Variants in SERINC2 observed in about 807,000 individuals in gnomAD.
SERINC2 encodes the protein tumor differentially expressed protein 2.
SERINC2 carries 56 observed loss-of-function variants against 54.2 expected under a neutral mutation model. The observed-to-expected ratio is 1.03, with a 90% CI of 0.83 to 1.29. The LOEUF (loss-of-function observed/expected upper bound fraction) is 1.29. SERINC2 is among the 50% of genes most tolerant of loss of function. The pLI, the probability that SERINC2 is intolerant of heterozygous loss-of-function variation, is 0.00. For synonymous variants in SERINC2, 272 were observed against 253.1 expected (o/e 1.07, Z -0.71); for missense variants, 614 against 607.4 (o/e 1.01, Z -0.12).
At chr1:31,412,000 CAAAAAAAAA>C (rs11368197), upstream of SERINC2, among the ~76,000 whole-genome samples, 6 of 44,506 alleles carry the variant, frequency 1.3e-4, no homozygotes, top group East Asian at 6.9e-4. Flanking sequence ...GACCCTGTCT[CAAAAAAAAA>C]AAAAAAAAAA....
At chr1:31,420,950 T>A (rs2148515268) in intron 1 of SERINC2, among the ~76,000 whole-genome samples, 1 of 152,282 alleles carries the variant, frequency 6.6e-6, no homozygotes, top group East Asian at 1.9e-4. Context: ...AAAATGGGAC[T>A]AATAAGCTGC....
intron 3 of SERINC2, 75 bp from the exon 4 acceptor site, chr1:31,425,255 G>A: frequency 1.8e-6 from 2 of 1,123,712 alleles, no homozygotes; most frequent in South Asian, 2.5e-5. Context: ...GGGGCTCTGG[G>A]GCCAGGCCCA....
At chr1:31,423,427 AG>A (rs367909677) in intron 1 of SERINC2, among the ~76,000 whole-genome samples, 108 of 152,280 alleles carry the variant, frequency 7.1e-4, no homozygotes, top group Middle Eastern at 3.4e-3. Flanking sequence ...AGAAAGAAAC[AG>A]CGTGACCTCG....
intron 1 of SERINC2, among the ~76,000 whole-genome samples, chr1:31,420,860 G>T (rs1640886892): frequency 6.6e-6 from 1 of 152,152 alleles, no homozygotes; most frequent in Non-Finnish European, 1.5e-5. Flanking sequence ...AATACTACTT[G>T]AATCTCAGTG....
Position 31,434,115 on chromosome 1 carries a change from G to A in SERINC2, c.1284G>A (p.Lys428=). The change falls in exon 10 of 10, where the codon AAG becomes AAA. Residue 428 remains lysine, a synonymous_variant. Transcript: ENST00000373709. ...GCACGTGGACCGCCGTGTGGGTGAA[G>A]ATCTGTGCCAGCTGGGCAGGGCTGC... ...MISTWTAVWV[K]ICASWAGLLL... is the part of the protein sequence containing the mutation. 1 of 1,614,082 alleles carries A rather than the reference G, an allele frequency of 6.2e-7. No individual in the cohort carries two copies. The highest frequency in any genetic ancestry group is 8.5e-7 in the Non-Finnish European group (1 of 1,180,006).
intron 2 of SERINC2, among the ~76,000 whole-genome samples, chr1:31,424,191 C>T (rs1336773755): frequency 1.3e-5 from 2 of 152,144 alleles, no homozygotes; most frequent in African/African-American, 4.8e-5. Flanking sequence ...TAGCACAGAC[C>T]CAGGGGGACG....
chr1:31,426,552 T>C, intron 5 of SERINC2, 102 bp from the exon 6 acceptor site: 1 of 904,824 alleles, frequency 1.1e-6, no homozygotes. Flanking sequence ...AACTGAGAGC[T>C]GGAGAGGGGG....
Position 31,425,841 on chromosome 1 carries a change from G to T in SERINC2, c.538G>T (p.Asp180Tyr). 1.2e-6 allele frequency: 2 copies of T among 1,613,708 alleles called. No individual in the cohort carries two copies. The highest frequency in any genetic ancestry group is 2.2e-5 in the South Asian group (2 of 91,040). The change falls in exon 5 of 10, where the codon GAC becomes TAC. Residue 180 changes from aspartate (D) to tyrosine (Y), a missense_variant. Physicochemically the swap from Asp to Tyr is radical, Grantham distance 160 (BLOSUM62 -3). Transcript: ENST00000373709. Reference protein sequence around the residue: ...FILIQLVLLIDFAHSWNQRWL... With the variant: ...FILIQLVLLIYFAHSWNQRWL... The stretch of plus-strand genomic sequence containing the variant: ...CCTCATCCAGCTGGTGCTGCTCATC[G>T]ACTTTGCGCACTCCTGGAACCAGCG...
intron 1 of SERINC2, chr1:31,414,881 A>G: frequency 2.0e-6 from 1 of 507,004 alleles, no homozygotes; most frequent in Non-Finnish European, 2.5e-6. Context: ...TGACAGTAAC[A>G]GGGCCTTTCT....
At chr1:31,430,166 T>C (rs1163135477) in intron 8 of SERINC2, among the ~76,000 whole-genome samples, 2 of 152,058 alleles carry the variant, frequency 1.3e-5, no homozygotes, top group South Asian at 2.1e-4. Context: ...ATAAAAATAG[T>C]ACCTTCCTCA....
intron 1 of SERINC2, among the ~76,000 whole-genome samples, chr1:31,419,243 G>A (rs1640849451): frequency 6.6e-6 from 1 of 152,190 alleles, no homozygotes; most frequent in South Asian, 2.1e-4. Context: ...TTCTGGCTCT[G>A]TAGCATTCCA....
rs7547845 is a variant in SERINC2, at chr1:31,432,883, T to G, written c.1014-84T>G. On this transcript the variant is annotated intron_variant, in intron 8 of 9. Coordinates refer to ENST00000373709, the MANE Select transcript of SERINC2 (RefSeq NM_178865.5). ...AGGCCCAGTAACCGGGTCGCTGGCC[T>G]CTGAGGCTCTGGGACCATTTGTGTC... The G allele has an allele frequency of 5.5e-5, 62 of 1,128,106 alleles. No individual in the cohort carries two copies. In the African/African-American group the frequency reaches 6.6e-4, roughly 12 times the overall value. 69.9% of individuals were successfully genotyped at this position (1,128,106 alleles called of 1,614,324 possible).
rs553299108 is a variant in SERINC2 at position 31,434,403 on chromosome 1, C to T, written c.*204C>T. On this transcript the variant is annotated 3_prime_UTR_variant, in exon 10 of 10. Coordinates refer to ENST00000373709, the MANE Select transcript of SERINC2 (RefSeq NM_178865.5). ...GCATCAGGCTCCTGCAGAGCCCCAT[C>T]CCCCCGCCACACCCACACGGTGGAG... 3.4e-6 allele frequency: 2 copies of T among 582,852 alleles called. No individual in the cohort carries two copies. Among genetic ancestry groups the T allele is most frequent in the East Asian group, 2.9e-5 (1 of 34,742 alleles). 36.1% of individuals were successfully genotyped at this position (582,852 alleles called of 1,614,324 possible).
At chr1:31,426,162 G>GGTGGGCCACACACAGCCAGTAGT (rs1641036688) in intron 5 of SERINC2, among the ~76,000 whole-genome samples, 1 of 152,144 alleles carries the variant, frequency 6.6e-6, no homozygotes, top group Non-Finnish European at 1.5e-5. Context: ...GTTCCTGCAG[G>GGTGGGCCACACACAGCCAGTAGT]GTGGGCCACA....
At chr1:31,414,154 C>A in intron 1 of SERINC2, 1 of 1,409,108 alleles carries the variant, frequency 7.1e-7, no homozygotes, top group South Asian at 1.5e-5. Flanking sequence ...AGTGCCCGGT[C>A]GCGGGTTCGG....
rs371819477 is a variant in SERINC2 at position 31,423,679 on chromosome 1, G to C, written c.40-14G>C. 1.1e-5 allele frequency: 18 copies of C among 1,603,630 alleles called. No individual in the cohort carries two copies. Among genetic ancestry groups the C allele is most frequent in the Non-Finnish European group, 1.4e-5 (17 of 1,179,380 alleles). On this transcript the variant is annotated splice_polypyrimidine_tract_variant and intron_variant, in intron 1 of 9. Coordinates refer to ENST00000373709, the MANE Select transcript of SERINC2 (RefSeq NM_178865.5). ...GTGAAGGGGAGAGGGAAGAGTGACA[G>C]TGCCCTCCCGCAGGCGTCCTGCCTC...
chr1:31,414,655 C>T (rs1553132009), intron 1 of SERINC2: 1 of 985,350 alleles, frequency 1.0e-6, no homozygotes, highest in African/African-American at 1.7e-5. Context: ...CAAGCTGGTG[C>T]CTGAAATCCC....
intron 3 of SERINC2, 144 bp downstream of exon 3, chr1:31,425,017 C>T (rs1457458480): frequency 1.5e-6 from 1 of 679,812 alleles, no homozygotes; most frequent in African/African-American, 1.8e-5. Flanking sequence ...TGAGTTATAT[C>T]CATTTCTCAG....
rs1640955141 is a variant in SERINC2, at chr1:31,423,686, C to T, written c.40-7C>T. 6.2e-7 allele frequency: 1 copy of T among 1,605,534 alleles called. No individual in the cohort carries two copies. The highest frequency in any genetic ancestry group is 8.5e-7 in the Non-Finnish European group (1 of 1,179,588). On this transcript the variant is annotated splice_polypyrimidine_tract_variant and splice_region_variant and intron_variant, in intron 1 of 9. Coordinates refer to ENST00000373709, the MANE Select transcript of SERINC2 (RefSeq NM_178865.5). ...GGAGAGGGAAGAGTGACAGTGCCCT[C>T]CCGCAGGCGTCCTGCCTCTGCGGCT...
Sources: allele counts gnomAD v4.1 joint callset (sites outside exome capture counted in the v4.1 genomes callset), GRCh38; gene constraint gnomAD v4.1.1; transcripts MANE v1.5; gene names NCBI Gene and HGNC (gene_info 2026-07-23, HGNC 2026-07-21).